Variants in ST7 observed in about 807,000 individuals in gnomAD.
The protein encoded by ST7 is suppression of tumorigenicity 7.
A neutral mutation model predicts 78.7 loss-of-function variants in ST7; 28 were observed. The ratio of observed to expected loss-of-function variants is 0.36; its 90% CI spans 0.26 to 0.49. ST7 has a LOEUF of 0.49. ST7 is among the 20% of genes least tolerant of loss of function. The pLI is 0.99. For synonymous variants in ST7, 247 were observed against 249.6 expected (o/e 0.99, Z 0.10); for missense variants, 418 against 696.0 (o/e 0.60, Z 4.49).
At chr7:117,013,453 G>A (rs762899691) in intron 1 of ST7, among the ~76,000 whole-genome samples, 3 of 152,196 alleles carry the variant, frequency 2.0e-5, no homozygotes, top group African/African-American at 4.8e-5. Flanking sequence ...GCAGATTGGT[G>A]GTATAATGAG....
rs147331958 is a variant in ST7, at chr7:117,200,453, G to T, written c.1255-9334G>T. Among the ~76,000 whole-genome samples the T allele has an allele frequency of 4.8e-3, 724 of 152,286 alleles. 2 individuals carry two copies. The highest frequency in any genetic ancestry group is 6.9e-3 in the Non-Finnish European group (468 of 68,028). ...AGCATGTCCACGTGCTGTAGACAGA[G>T]CTGCTGAGGGGGAAAAAAATAAAGA... On this transcript the variant is annotated intron_variant, in intron 12 of 15. Transcript: ENST00000323984.
chr7:117,160,232 CAA>C (rs572498971), intron 9 of ST7, among the ~76,000 whole-genome samples: 13 of 113,652 alleles, frequency 1.1e-4, no homozygotes, highest in Non-Finnish European at 1.5e-4. Flanking sequence ...AACTGTGTCT[CAA>C]AAAAAAAAAA....
At position 117,190,003 on chromosome 7, in the gene ST7, T is replaced by G. The variant is rs986480412; in HGVS notation, c.1151+610T>G. ...TTCATAAACTCTTACGCTTCCCCAATATAATCCCTCTGTAGCATCGAAAGC... is the reference window on the plus strand; with the variant it reads ...TTCATAAACTCTTACGCTTCCCCAAGATAATCCCTCTGTAGCATCGAAAGC... On this transcript the variant is annotated intron_variant, in intron 11 of 15. Transcript: ENST00000323984. The surrounding 1 kb of genome is among the most constrained non-coding windows in gnomAD (Gnocchi z 5.2). 6.5e-6 allele frequency: 1 copy of G among 153,760 alleles called. No homozygotes were observed. Among genetic ancestry groups the G allele is most frequent in the Non-Finnish European group, 1.5e-5 (1 of 68,074 alleles). 9.5% of individuals were successfully genotyped at this position (153,760 alleles called of 1,614,324 possible).
intron 1 of ST7, among the ~76,000 whole-genome samples, chr7:116,963,416 G>A (rs1792934936): frequency 6.6e-6 from 1 of 152,150 alleles, no homozygotes; most frequent in Non-Finnish European, 1.5e-5. Context: ...TACCTACTGT[G>A]CTAAAATAAG....
intron 12 of ST7, among the ~76,000 whole-genome samples, chr7:117,201,351 C>T (rs180953880): frequency 6.6e-6 from 1 of 152,184 alleles, no homozygotes; most frequent in East Asian, 1.9e-4. Context: ...CTTTCTTTAA[C>T]AAAAAGCACT....
At chr7:117,022,063 T>C (rs1795946795) in intron 1 of ST7, among the ~76,000 whole-genome samples, 1 of 152,184 alleles carries the variant, frequency 6.6e-6, no homozygotes, top group Non-Finnish European at 1.5e-5. Context: ...TCTTTGGTTC[T>C]TGGACTAGGG....
chr7:117,208,496 G>C (rs918135962), intron 12 of ST7, among the ~76,000 whole-genome samples: 6 of 152,246 alleles, frequency 3.9e-5, no homozygotes, highest in African/African-American at 1.4e-4. Flanking sequence ...AGGGAGGAAG[G>C]TTTCAGTTGC....
At chr7:117,225,074 C>T (rs912276306) in intron 15 of ST7, among the ~76,000 whole-genome samples, 1 of 152,144 alleles carries the variant, frequency 6.6e-6, no homozygotes, top group Non-Finnish European at 1.5e-5. Flanking sequence ...GAATAATTGC[C>T]TGAGCCTGCT....
chr7:117,052,041 C>T lies in ST7; in HGVS notation c.152-47721C>T, dbSNP rs1363846329. Among the ~76,000 whole-genome samples, 10 of 152,144 alleles carry T rather than the reference C, an allele frequency of 6.6e-5. 1 individual carries two copies. The highest frequency in any genetic ancestry group is 6.5e-4 in the Admixed American group (10 of 15,280). On this transcript the variant is annotated intron_variant, in intron 1 of 15. Transcript: ENST00000323984. Reference sequence around the variant, plus strand: ...AGACTCTTTGAACACAGTGCAGCCTCTGTGTCATCAATAATTTATGCAGTG... The same window carrying T: ...AGACTCTTTGAACACAGTGCAGCCTTTGTGTCATCAATAATTTATGCAGTG...
intron 9 of ST7, among the ~76,000 whole-genome samples, chr7:117,140,881 C>G (rs1409595296): frequency 6.6e-6 from 1 of 152,160 alleles, no homozygotes; most frequent in South Asian, 2.1e-4. Flanking sequence ...CTCCTTCCTT[C>G]AGGGACTGCT....
intron 8 of ST7, among the ~76,000 whole-genome samples, chr7:117,138,128 C>T (rs190266901): frequency 1.5e-3 from 225 of 152,260 alleles, no homozygotes; most frequent in African/African-American, 5.0e-3. Context: ...AAAGAATGCA[C>T]GCTTGAAGAA....
chr7:117,149,480 C>A (rs1806070979), intron 9 of ST7, among the ~76,000 whole-genome samples: 1 of 152,002 alleles, frequency 6.6e-6, no homozygotes, highest in African/African-American at 2.4e-5. Context: ...ATGCTCTCTG[C>A]TCCTACTCTG....
chr7:116,958,543 G>T (rs200179229), intron 1 of ST7: 95 of 464,540 alleles, frequency 2.0e-4, no homozygotes, highest in Non-Finnish European at 1.3e-4. Flanking sequence ...TGTGCCTGTT[G>T]TCTAAAATGT....
chr7:116,972,200 G>C, intron 1 of ST7: 3 of 549,560 alleles, frequency 5.5e-6, no homozygotes, highest in Non-Finnish European at 7.1e-6. Context: ...GTCTGGACCA[G>C]CATCTTTTGT....
At chr7:117,158,958 G>A (rs191939148) in intron 9 of ST7, among the ~76,000 whole-genome samples, 52 of 152,262 alleles carry the variant, frequency 3.4e-4, no homozygotes, top group African/African-American at 1.2e-3. Flanking sequence ...GCCCAAGCTT[G>A]TATTGACCTC....
At chr7:117,211,255 C>T (rs369338585) in intron 13 of ST7, among the ~76,000 whole-genome samples, 4 of 152,220 alleles carry the variant, frequency 2.6e-5, no homozygotes, top group African/African-American at 9.6e-5. Flanking sequence ...GCCTCCGCCC[C>T]TCCTCAGTAA....
At chr7:117,024,422 T>C (rs1796089924) in intron 1 of ST7, among the ~76,000 whole-genome samples, 2 of 152,148 alleles carry the variant, frequency 1.3e-5, no homozygotes, top group Non-Finnish European at 2.9e-5. Flanking sequence ...CTTTTTCAAT[T>C]CTCAAGGGTA....
In ST7 at chr7:117,079,968, C is replaced by CTTTTTTTTTTT. The variant is rs34326752; in HGVS notation, c.152-19774_152-19764dup. On this transcript the variant is annotated intron_variant, in intron 1 of 15. Transcript: ENST00000323984. Reference sequence around the variant, plus strand: ...AGCACTATTGGAATGTTTGTCATTCCTTTTTTTTTTTTTTTTTTTTTTTTT... The same window carrying CTTTTTTTTTTT: ...AGCACTATTGGAATGTTTGTCATTCCTTTTTTTTTTTTTTTTTTTTTTTTTTTTTTTTTTTT... 2.6e-4 allele frequency among the ~76,000 whole-genome samples: 17 copies of CTTTTTTTTTTT among 65,438 alleles called. 3 individuals are homozygous for CTTTTTTTTTTT. Among genetic ancestry groups the CTTTTTTTTTTT allele is most frequent in the African/African-American group, 8.9e-4 (16 of 18,070 alleles). 42.9% of individuals were successfully genotyped at this position (65,438 alleles called of 152,430 possible).
chr7:117,136,440 A>T (rs1804798634), intron 8 of ST7: 1 of 633,312 alleles, frequency 1.6e-6, no homozygotes, highest in Admixed American at 2.9e-5. Context: ...TTATATTCAC[A>T]TTCTCTTTCC....
Sources: allele counts gnomAD v4.1 joint callset (sites outside exome capture counted in the v4.1 genomes callset), GRCh38; gene constraint gnomAD v4.1.1; non-coding constraint Gnocchi (gnomAD v3.1); transcripts MANE v1.5; gene names NCBI Gene and HGNC (gene_info 2026-07-23, HGNC 2026-07-21).